Variants in EXPH5 observed in about 807,000 individuals in gnomAD.
EXPH5 encodes the protein exophilin 5, also known as exophilin-5.
Under a neutral mutation model 41.1 loss-of-function variants are expected in EXPH5, and 42 were observed. The observed-to-expected ratio is 1.02, with a 90% CI of 0.80 to 1.32. The LOEUF (loss-of-function observed/expected upper bound fraction) is 1.32. Ranked by LOEUF, EXPH5 falls within the 40% of genes most tolerant of loss-of-function variation. The pLI, the probability that EXPH5 is intolerant of heterozygous loss-of-function variation, is 0.00. For synonymous variants in EXPH5, 798 were observed against 833.5 expected, an observed-to-expected ratio of 0.96 and a Z score of 0.73; for missense variants, 2,298 against 2,314.5, an observed-to-expected ratio of 0.99 and a Z score of 0.15.
chr11:108,509,706 T>G lies in EXPH5; in HGVS notation c.5801A>C (p.Glu1934Ala). ...ACTGGGAGAATTTGAGCTTAATGACTCTGAGGGGTTGGGAGGGTTCCTCAA... is the reference window on the plus strand; with the variant it reads ...ACTGGGAGAATTTGAGCTTAATGACGCTGAGGGGTTGGGAGGGTTCCTCAA... ...DDLRNPPNPS[E>A]SLSSNSPSSQ... Residue 1934 changes from glutamate to alanine, a missense_variant, in exon 6 of 6, where the codon GAG becomes GCG. Physicochemically the swap from Glu to Ala is moderately radical, Grantham distance 107 (BLOSUM62 -1). Coordinates refer to ENST00000265843, the MANE Select transcript of EXPH5 (RefSeq NM_015065.3). 1 of 1,612,514 alleles carries G rather than the reference T, an allele frequency of 6.2e-7. No homozygotes were observed. The highest frequency in any genetic ancestry group is 8.5e-7 in the Non-Finnish European group (1 of 1,179,530).
At chr11:108,549,416 T>G (rs2093953481) in intron 1 of EXPH5, among the ~76,000 whole-genome samples, 2 of 152,162 alleles carry the variant, frequency 1.3e-5, no homozygotes, top group African/African-American at 4.8e-5. Context: ...TTCCTTTATT[T>G]CCAGCCTTGA....
rs573273280 is a variant in EXPH5 at position 108,512,313 on chromosome 11, T to G, written c.3194A>C (p.Tyr1065Ser). The change falls in exon 6 of 6, where the codon TAT (tyrosine) becomes TCT (serine). Residue 1065 changes from tyrosine (Y) to serine (S), a missense_variant. Tyr to Ser is a moderately radical substitution (Grantham distance 144). Transcript: ENST00000265843. ...ACTGGGACTAAATTTGTTTAACATATAGTTCCCCATTGCATCTTCCACATT... is the reference window on the plus strand; with the variant it reads ...ACTGGGACTAAATTTGTTTAACATAGAGTTCCCCATTGCATCTTCCACATT... ...KNNVEDAMGN[Y>S]MLNKFSPSSP... 1 of 1,613,682 alleles carries G rather than the reference T, an allele frequency of 6.2e-7. No homozygotes were observed. The highest frequency in any genetic ancestry group is 8.5e-7 in the Non-Finnish European group (1 of 1,179,860).
chr11:108,532,358 ATATATATATTTTTTTTTTTTTTTTT>A (rs1260090675), intron 3 of EXPH5, among the ~76,000 whole-genome samples: 6 of 19,014 alleles, frequency 3.2e-4, no homozygotes, highest in African/African-American at 2.1e-3. Context: ...ATATATATAT[ATATATATATTTTTTTTTTTTTTTTT>A]TTTTTTTTTT....
rs1304262317 is a variant in EXPH5, at chr11:108,508,052, G to C, written c.*1485C>G. 1.3e-5 allele frequency: 2 copies of C among 151,102 alleles called. No homozygotes were observed. Among genetic ancestry groups the C allele is most frequent in the Non-Finnish European group, 1.5e-5 (1 of 68,280 alleles). 9.4% of individuals were successfully genotyped at this position (151,102 alleles called of 1,614,324 possible). On this transcript the variant is annotated 3_prime_UTR_variant, in exon 6 of 6. Coordinates refer to ENST00000265843, the MANE Select transcript of EXPH5 (RefSeq NM_015065.3). ...AAATTAGCCAGGTGTGGTGGTGGGT[G>C]CCTGTAGTCCCAGCTACTTGGGAGG...
At position 108,573,202 on chromosome 11, in the gene EXPH5, G is replaced by GAA. The variant is rs1434003506; in HGVS notation, c.119+20214_119+20215dup. On this transcript the variant is annotated intron_variant, in intron 1 of 5. Transcript: ENST00000265843. ...AAAGAAAGAAAGAAAGAAAGAAAAAGAAAGAAAGAAAGAAAGAAAGGGAAA... is the reference window on the plus strand; with the variant it reads ...AAAGAAAGAAAGAAAGAAAGAAAAAGAAAAAGAAAGAAAGAAAGAAAGGGAAA... Among the ~76,000 whole-genome samples the GAA allele has an allele frequency of 8.4e-3, 975 of 116,680 alleles. 5 individuals carry two copies. The highest frequency in any genetic ancestry group is 0.012 in the Non-Finnish European group (624 of 51,664). 76.5% of individuals were successfully genotyped at this position (116,680 alleles called of 152,430 possible). A position where few individuals can be genotyped will look rare whatever the true frequency, so the allele number is the denominator to read the frequency against.
In EXPH5 at chr11:108,513,704, C is replaced by T. The variant is rs200722625; in HGVS notation, c.1803G>A (p.Gln601=). ...HVKSSELVSQ[Q]DSSPVEVHIN... ...TATGTACTTCTACAGGAGAACTGTC[C>T]TGTTGACTTACCAACTCACTAGATT... The change falls in exon 6 of 6, where the codon CAG becomes CAA. Residue 601 remains glutamine (Q), a synonymous_variant. Transcript: ENST00000265843. The T allele has an allele frequency of 4.6e-5, 74 of 1,612,996 alleles. No individual in the cohort carries two copies. In the South Asian group the frequency reaches 6.1e-4, roughly 13 times the overall value.
intron 1 of EXPH5, among the ~76,000 whole-genome samples, chr11:108,586,059 T>C (rs1035730174): frequency 6.6e-6 from 1 of 152,158 alleles, no homozygotes; most frequent in Non-Finnish European, 1.5e-5. Flanking sequence ...CTGCTTCAGC[T>C]TCCTGAGTAG....
intron 1 of EXPH5, among the ~76,000 whole-genome samples, chr11:108,586,797 C>G (rs1454115105): frequency 1.3e-5 from 2 of 151,722 alleles, no homozygotes; most frequent in Non-Finnish European, 2.9e-5. Flanking sequence ...CCTCTTTCAT[C>G]TAGAAAGCCT....
chr11:108,562,850 TC>T (rs113166655), intron 1 of EXPH5, among the ~76,000 whole-genome samples: 6,025 of 152,108 alleles, frequency 0.04, 372 homozygotes, highest in African/African-American at 0.13. Flanking sequence ...CACTCATAAC[TC>T]CCACTGTCAG....
intron 3 of EXPH5, chr11:108,537,998 T>C: frequency 1.0e-6 from 1 of 985,420 alleles, no homozygotes; most frequent in Non-Finnish European, 1.2e-6. Context: ...GTGACTCTGG[T>C]AGCTACAGTC....
chr11:108,565,676 G>C (rs145657452), intron 1 of EXPH5, among the ~76,000 whole-genome samples: 1 of 152,162 alleles, frequency 6.6e-6, no homozygotes, highest in Admixed American at 6.5e-5. Flanking sequence ...ATAATCAGGT[G>C]AGGGGTTCTA....
intron 1 of EXPH5, among the ~76,000 whole-genome samples, chr11:108,549,460 T>A (rs1565815689): frequency 6.6e-6 from 1 of 152,230 alleles, no homozygotes; most frequent in East Asian, 1.9e-4. Context: ...CTCTTCTTTG[T>A]CTTTCCCAAC....
the EXPH5 span, among the ~76,000 whole-genome samples, chr11:108,606,946 T>C: frequency 6.6e-6 from 1 of 152,168 alleles, no homozygotes; most frequent in Non-Finnish European, 1.5e-5. Context: ...TCGTAAATGA[T>C]GGACTTTTCA....
At chr11:108,586,062 C>T (rs2094111990) in intron 1 of EXPH5, among the ~76,000 whole-genome samples, 1 of 152,314 alleles carries the variant, frequency 6.6e-6, no homozygotes, top group African/African-American at 2.4e-5. Flanking sequence ...CTTCAGCTTC[C>T]TGAGTAGCTG....
chr11:108,521,864 T>C (rs541195076), intron 4 of EXPH5, among the ~76,000 whole-genome samples: 4 of 152,352 alleles, frequency 2.6e-5, no homozygotes, highest in African/African-American at 9.6e-5. Context: ...CTTTTCTCTA[T>C]GTATGTAGAC....
chr11:108,601,421 A>G, the EXPH5 span, among the ~76,000 whole-genome samples: 1 of 152,216 alleles, frequency 6.6e-6, no homozygotes, highest in South Asian at 2.1e-4. Context: ...TCCAAGACTG[A>G]CTAAGAAATG....
At chr11:108,546,603 A>G (rs939970578) in intron 1 of EXPH5, among the ~76,000 whole-genome samples, 1 of 152,208 alleles carries the variant, frequency 6.6e-6, no homozygotes, top group African/African-American at 2.4e-5. Flanking sequence ...AAAAGTTAGC[A>G]CTGCAAAAAC....
Position 108,593,721 on chromosome 11 carries a change from A to T in EXPH5, c.-185T>A. ...CACCTGAAGGGCTCATATTGACAAT[A>T]CCTTAATGACATGTTTCTCTCAACC... On this transcript the variant is annotated 5_prime_UTR_variant, in exon 1 of 6. Transcript: ENST00000265843. 2 of 1,538,612 alleles carry T rather than the reference A, an allele frequency of 1.3e-6. No homozygotes were observed. The highest frequency in any genetic ancestry group is 8.7e-7 in the Non-Finnish European group (1 of 1,147,274).
chr11:108,581,545 T>C (rs2094098275), intron 1 of EXPH5, among the ~76,000 whole-genome samples: 1 of 151,958 alleles, frequency 6.6e-6, no homozygotes, highest in South Asian at 2.1e-4. Flanking sequence ...AAAAAACGCT[T>C]ATACTGGAAA....
Sources: gnomAD v4.1 joint callset for allele counts (sites outside exome capture counted in the v4.1 genomes callset) on GRCh38, gnomAD v4.1.1 for gene constraint, MANE v1.5 for transcripts, NCBI Gene and HGNC (gene_info 2026-07-23, HGNC 2026-07-21) for gene names.